The following CSMD3 variants were observed in gnomAD, a reference collection of about 807,000 sequenced individuals.
The protein encoded by CSMD3 is CUB and sushi domain-containing protein 3.
CSMD3 carries 177 observed loss-of-function variants against 435.2 expected under a neutral mutation model. That is an observed-to-expected ratio of 0.41 (90% CI 0.36 to 0.46). The LOEUF is 0.46. CSMD3 is among the 20% of genes least tolerant of loss of function. CSMD3 has a pLI of 0.34. For missense variants in CSMD3, 4,265 were observed against 4,504.6 expected (o/e 0.95, Z 1.52); for synonymous variants, 1,656 against 1,520.5 (o/e 1.09, Z -2.07).
At chr8:113,161,129 C>A (rs902219940) in intron 4 of CSMD3, among the ~76,000 whole-genome samples, 1 of 152,086 alleles carries the variant, frequency 6.6e-6, no homozygotes, top group Non-Finnish European at 1.5e-5. Context: ...CTCTGAGCAT[C>A]TTCACATGCC....
chr8:112,387,323 T>G (rs987136756), intron 36 of CSMD3, among the ~76,000 whole-genome samples: 6 of 152,340 alleles, frequency 3.9e-5, no homozygotes, highest in African/African-American at 1.4e-4. Flanking sequence ...CATATATGAT[T>G]TATTGAATAT....
intron 12 of CSMD3, among the ~76,000 whole-genome samples, chr8:112,803,140 A>G (rs567138021): frequency 8.7e-4 from 133 of 152,284 alleles, no homozygotes; most frequent in African/African-American, 3.2e-3. Flanking sequence ...GCATAACTAG[A>G]AGGAAAGATT....
In CSMD3 at chr8:112,304,844, A is replaced by G. The variant is rs2130778773; in HGVS notation, c.8143T>C (p.Tyr2715His). The change falls in exon 52 of 71, where the codon TAT (tyrosine) becomes CAT (histidine). Residue 2715 changes from tyrosine to histidine, a missense_variant. Coordinates refer to ENST00000297405, the MANE Select transcript of CSMD3 (RefSeq NM_198123.2). ...GRWRIVNGSH[Y>H]EYKTKVVFSC... ...AAAACTACTTTGGTTTTGTATTCAT[A>G]ATGGGAGCCATTCACAATTCGCCAT... The G allele has an allele frequency of 3.7e-6, 6 of 1,613,924 alleles. 1 individual carries two copies. The South Asian group carries it at 5.5e-5, about 15-fold the overall frequency.
At chr8:112,561,999 A>G (rs940902793) in intron 24 of CSMD3, among the ~76,000 whole-genome samples, 4 of 151,376 alleles carry the variant, frequency 2.6e-5, no homozygotes, top group African/African-American at 9.7e-5. Flanking sequence ...ATTGTTTCCA[A>G]TTTTTTACTG....
At chr8:112,471,965 A>G (rs1156846527) in intron 32 of CSMD3, among the ~76,000 whole-genome samples, 1 of 152,160 alleles carries the variant, frequency 6.6e-6, no homozygotes, top group African/African-American at 2.4e-5. Flanking sequence ...CAAAACCTTT[A>G]AAAGCCAGAT....
At chr8:112,695,645 G>A (rs2076236153) in intron 13 of CSMD3, among the ~76,000 whole-genome samples, 1 of 152,124 alleles carries the variant, frequency 6.6e-6, no homozygotes, top group African/African-American at 2.4e-5. Flanking sequence ...GGCAAAAACT[G>A]GAAGTATTCC....
chr8:113,097,162 G>A (rs1383302), intron 5 of CSMD3, among the ~76,000 whole-genome samples: 73,664 of 151,854 alleles, frequency 0.49, 20,664 homozygotes, highest in East Asian at 0.88. Flanking sequence ...GAAGTAAAAC[G>A]TTCACTAAAT....
chr8:112,563,349 T>C (rs1828801234), intron 24 of CSMD3, among the ~76,000 whole-genome samples: 1 of 151,846 alleles, frequency 6.6e-6, no homozygotes, highest in Non-Finnish European at 1.5e-5. Context: ...AAAAAAAGCT[T>C]GTGGAAATTA....
At chr8:112,722,013 C>T (rs1009190463) in intron 13 of CSMD3, among the ~76,000 whole-genome samples, 1 of 151,572 alleles carries the variant, frequency 6.6e-6, no homozygotes, top group African/African-American at 2.4e-5. Context: ...AAAATGTATA[C>T]AATTTGGGGA....
At chr8:112,339,498 A>G (rs1824894788) in intron 42 of CSMD3, among the ~76,000 whole-genome samples, 1 of 152,004 alleles carries the variant, frequency 6.6e-6, no homozygotes, top group African/African-American at 2.4e-5. Context: ...TTTTGTTTTC[A>G]ATAAATCTCT....
At chr8:112,340,636 G>C (rs1192100287) in intron 42 of CSMD3, among the ~76,000 whole-genome samples, 1 of 151,930 alleles carries the variant, frequency 6.6e-6, no homozygotes, top group Non-Finnish European at 1.5e-5. Flanking sequence ...TCAGCCATTA[G>C]AAATAAACTT....
At chr8:112,870,612 TA>T (rs2081108091) in intron 10 of CSMD3, among the ~76,000 whole-genome samples, 1 of 152,038 alleles carries the variant, frequency 6.6e-6, no homozygotes, top group African/African-American at 2.4e-5. Flanking sequence ...AATAATGAGA[TA>T]AAAAATTTCA....
chr8:112,473,894 G>A (rs954545832), intron 31 of CSMD3, among the ~76,000 whole-genome samples: 1 of 151,910 alleles, frequency 6.6e-6, no homozygotes, highest in African/African-American at 2.4e-5. Context: ...CTACACTGTA[G>A]GTTTTTTAGG....
At chr8:113,200,040 C>T (rs1304617530) in intron 3 of CSMD3, among the ~76,000 whole-genome samples, 1 of 151,932 alleles carries the variant, frequency 6.6e-6, no homozygotes, top group African/African-American at 2.4e-5. Context: ...TGTTGAACAT[C>T]TCCATTTAGA....
chr8:112,685,788 C>A (rs2131806906), intron 14 of CSMD3, 56 bp from the exon 15 acceptor site: 7 of 1,077,136 alleles, frequency 6.5e-6, no homozygotes, highest in Non-Finnish European at 8.5e-6. Context: ...AATATTTCAT[C>A]TTATTTTGTC....
chr8:112,371,178 A>T (rs918628099), intron 38 of CSMD3, among the ~76,000 whole-genome samples: 3 of 152,170 alleles, frequency 2.0e-5, no homozygotes, highest in African/African-American at 7.2e-5. Flanking sequence ...TATGGGGCAC[A>T]CGCTGCTGGG....
chr8:112,809,898 A>G (rs183567464), intron 12 of CSMD3, among the ~76,000 whole-genome samples: 1 of 152,320 alleles, frequency 6.6e-6, no homozygotes, highest in African/African-American at 2.4e-5. Flanking sequence ...AAATGTAATC[A>G]TTGAAGGAGG....
intron 32 of CSMD3, among the ~76,000 whole-genome samples, chr8:112,464,656 C>T (rs1388867046): frequency 6.6e-6 from 1 of 152,102 alleles, no homozygotes; most frequent in Non-Finnish European, 1.5e-5. Flanking sequence ...CCAAAATTTA[C>T]ACAAAAACTT....
At position 112,587,983 on chromosome 8, in the gene CSMD3, C is replaced by A. The variant is rs573601088; in HGVS notation, c.3716-748G>T. On this transcript the variant is annotated intron_variant, in intron 22 of 70. Coordinates refer to ENST00000297405, the MANE Select transcript of CSMD3 (RefSeq NM_198123.2). ...TGAGAATTTCTCAACAAATTTAGTT[C>A]GAACTTAATTTTAATGTATTTAAAT... Among the ~76,000 whole-genome samples the A allele has an allele frequency of 4.1e-4, 62 of 151,708 alleles. No homozygotes were observed. The South Asian group carries it at 0.012, about 30-fold the overall frequency.
Sources: gnomAD v4.1 joint callset for allele counts (sites outside exome capture counted in the v4.1 genomes callset) on GRCh38, gnomAD v4.1.1 for gene constraint, MANE v1.5 for transcripts, NCBI Gene and HGNC (gene_info 2026-07-23, HGNC 2026-07-21) for gene names.